KIF6: variants seen among roughly 807,000 people sequenced by gnomAD.
KIF6 encodes kinesin family member 6, also known as kinesin-like protein KIF6.
In KIF6, 106 loss-of-function variants were observed where a neutral mutation model predicts 112.7. The ratio of observed to expected loss-of-function variants is 0.94; its 90% CI spans 0.80 to 1.11. KIF6 has a LOEUF of 1.11. Ranked by LOEUF, KIF6 falls within the 50% of genes least tolerant of loss-of-function variation. KIF6 has a pLI of 0.00. For missense variants in KIF6, 929 were observed against 964.0 expected, an observed-to-expected ratio of 0.96 and a Z score of 0.48; for synonymous variants, 339 against 339.9, an observed-to-expected ratio of 1.00 and a Z score of 0.03.
chr6:39,696,288 T>C (rs535260278), intron 3 of KIF6, among the ~76,000 whole-genome samples: 21 of 152,288 alleles, frequency 1.4e-4, no homozygotes, highest in Admixed American at 1.2e-3. Flanking sequence ...CCCCTGAATC[T>C]AAAATTTAAA....
intron 7 of KIF6, among the ~76,000 whole-genome samples, chr6:39,594,500 T>C (rs1782137756): frequency 6.6e-6 from 1 of 152,238 alleles, no homozygotes; most frequent in African/African-American, 2.4e-5. Context: ...TTAGGAATGC[T>C]GACTCTTGTT....
At chr6:39,443,380 T>C (rs1040714677) in intron 13 of KIF6, among the ~76,000 whole-genome samples, 9 of 152,088 alleles carry the variant, frequency 5.9e-5, no homozygotes, top group Non-Finnish European at 1.3e-4. Flanking sequence ...GCAAATTTTC[T>C]ATCTATGCCT....
chr6:39,414,129 A>G (rs1278407755), intron 15 of KIF6, among the ~76,000 whole-genome samples: 2 of 152,134 alleles, frequency 1.3e-5, no homozygotes, highest in African/African-American at 4.8e-5. Context: ...TTTTGAGAAT[A>G]TAATATTTTT....
At chr6:39,696,770 A>G (rs1445855370) in intron 3 of KIF6, among the ~76,000 whole-genome samples, 1 of 151,912 alleles carries the variant, frequency 6.6e-6, no homozygotes, top group Non-Finnish European at 1.5e-5. Context: ...GTGTGTGTAC[A>G]GTGTAAATAC....
intron 5 of KIF6, among the ~76,000 whole-genome samples, chr6:39,622,207 A>C (rs1783862058): frequency 6.6e-6 from 1 of 151,628 alleles, no homozygotes; most frequent in Non-Finnish European, 1.5e-5. Flanking sequence ...ACCTATTTCC[A>C]ACTGTTTTTT....
chr6:39,584,518 T>C (rs1482309866), intron 9 of KIF6, among the ~76,000 whole-genome samples: 1 of 146,982 alleles, frequency 6.8e-6, no homozygotes, highest in Non-Finnish European at 1.5e-5. Flanking sequence ...AAGTTCTGCA[T>C]ATAGATGTAA....
At chr6:39,507,418 C>T (rs1306817299) in intron 13 of KIF6, among the ~76,000 whole-genome samples, 1 of 152,134 alleles carries the variant, frequency 6.6e-6, no homozygotes, top group African/African-American at 2.4e-5. Context: ...ATTTGTGGAG[C>T]TGTTGCAGGC....
At chr6:39,384,578 A>C (rs942358189) in intron 16 of KIF6, among the ~76,000 whole-genome samples, 9 of 152,172 alleles carry the variant, frequency 5.9e-5, no homozygotes, top group African/African-American at 2.2e-4. Flanking sequence ...ATTCTATATC[A>C]TCATTATTAC....
chr6:39,543,357 C>T (rs886917272), intron 12 of KIF6, among the ~76,000 whole-genome samples: 7 of 151,950 alleles, frequency 4.6e-5, no homozygotes, highest in African/African-American at 1.2e-4. Context: ...GCAGCACTGA[C>T]GGATGAAGGC....
In KIF6 at chr6:39,453,913, C is replaced by T. The variant is rs1397790908; in HGVS notation, c.1646-22752G>A. Among the ~76,000 whole-genome samples, 3 of 152,284 alleles carry T rather than the reference C, an allele frequency of 2.0e-5. No individual in the cohort carries two copies. In the East Asian group the frequency reaches 5.8e-4, roughly 29 times the overall value. On this transcript the variant is annotated intron_variant, in intron 13 of 22. Coordinates refer to ENST00000287152, the MANE Select transcript of KIF6 (RefSeq NM_145027.6). Reference sequence around the variant, plus strand: ...ATGTCTGTGACTGCCCCTTCTGAGCCTCCCTTACTGACTACTACACTGCCT... The same window carrying T: ...ATGTCTGTGACTGCCCCTTCTGAGCTTCCCTTACTGACTACTACACTGCCT...
chr6:39,604,402 C>T (rs567516075), intron 6 of KIF6, among the ~76,000 whole-genome samples: 12 of 152,122 alleles, frequency 7.9e-5, no homozygotes, highest in African/African-American at 1.7e-4. Flanking sequence ...TGGTTTAGCA[C>T]GTGACCCTAC....
chr6:39,379,590 A>C (rs1278571909), intron 16 of KIF6, among the ~76,000 whole-genome samples: 6 of 152,236 alleles, frequency 3.9e-5, no homozygotes, highest in Non-Finnish European at 7.3e-5. Context: ...GGGTCAGGGA[A>C]GGCTTCACAG....
chr6:39,651,301 G>C (rs1785457038), intron 3 of KIF6, among the ~76,000 whole-genome samples: 1 of 152,114 alleles, frequency 6.6e-6, no homozygotes, highest in Non-Finnish European at 1.5e-5. Context: ...AGAAGTAGGG[G>C]AGACAGGCAT....
intron 13 of KIF6, among the ~76,000 whole-genome samples, chr6:39,511,949 T>G (rs1776810860): frequency 6.6e-6 from 1 of 151,628 alleles, no homozygotes; most frequent in Non-Finnish European, 1.5e-5. Context: ...TGTTGAGGGG[T>G]GGGGGACTGG....
intron 20 of KIF6, among the ~76,000 whole-genome samples, chr6:39,346,049 G>GCCCTCTCTCTCTCT (rs1763693911): frequency 3.4e-5 from 1 of 28,994 alleles, no homozygotes; most frequent in Non-Finnish European, 6.5e-5. Context: ...AAACTACAGT[G>GCCCTCTCTCTCTCT]CTCTCTCTCT....
chr6:39,661,644 G>A (rs1046402577), intron 3 of KIF6, among the ~76,000 whole-genome samples: 12 of 152,126 alleles, frequency 7.9e-5, no homozygotes, highest in Non-Finnish European at 1.2e-4. Context: ...ATGCAGTAGC[G>A]GGGAAAGAAG....
At chr6:39,533,788 G>A (rs960512892) in intron 13 of KIF6, among the ~76,000 whole-genome samples, 2 of 152,310 alleles carry the variant, frequency 1.3e-5, no homozygotes, top group East Asian at 1.9e-4. Context: ...TGACTCCCGA[G>A]CAGCCTAACT....
chr6:39,437,739 C>T (rs191618907), intron 13 of KIF6, among the ~76,000 whole-genome samples: 8 of 152,256 alleles, frequency 5.3e-5, no homozygotes, highest in Non-Finnish European at 1.0e-4. Flanking sequence ...CACATAAAGA[C>T]GTTTCAATCA....
chr6:39,680,510 A>G (rs1290591039), intron 3 of KIF6, among the ~76,000 whole-genome samples: 1 of 152,208 alleles, frequency 6.6e-6, no homozygotes, highest in Non-Finnish European at 1.5e-5. Flanking sequence ...ACTAATGCAT[A>G]TATGAAACTG....
Sources: gnomAD v4.1 joint callset for allele counts (sites outside exome capture counted in the v4.1 genomes callset) on GRCh38, gnomAD v4.1.1 for gene constraint, MANE v1.5 for transcripts, NCBI Gene and HGNC (gene_info 2026-07-23, HGNC 2026-07-21) for gene names.